RPSA2: variants seen among roughly 807,000 people sequenced by gnomAD.
RPSA2 encodes the protein ribosomal protein SA 2, also known as small ribosomal subunit protein uS2B.
At chr19:23,861,788 G>A in the RPSA2 span, among the ~76,000 whole-genome samples, 1 of 152,138 alleles carries the variant, frequency 6.6e-6, no homozygotes, top group Non-Finnish European at 1.5e-5. Flanking sequence ...TAGCTAGGCT[G>A]TAATTTATTT....
the RPSA2 span, among the ~76,000 whole-genome samples, chr19:23,814,971 A>G: frequency 6.6e-6 from 1 of 152,086 alleles, no homozygotes; most frequent in Non-Finnish European, 1.5e-5. Context: ...TCAGTGTCTC[A>G]TGTAGTTGGG....
chr19:23,868,884 G>A, the RPSA2 span, among the ~76,000 whole-genome samples: 3 of 152,126 alleles, frequency 2.0e-5, no homozygotes, highest in Non-Finnish European at 4.4e-5. Flanking sequence ...GAGCCTGAGT[G>A]CAAAAATGGA....
chr19:23,855,493 G>A, the RPSA2 span, among the ~76,000 whole-genome samples: 41 of 152,270 alleles, frequency 2.7e-4, 1 homozygote, highest in Middle Eastern at 3.4e-3. Flanking sequence ...GTTCCAGCAC[G>A]ACCAGATAAG....
chr19:23,817,038 C>T, the RPSA2 span, among the ~76,000 whole-genome samples: 1 of 144,996 alleles, frequency 6.9e-6, no homozygotes, highest in East Asian at 2.0e-4. Context: ...ATGACAACTT[C>T]AATTGAATAT....
the RPSA2 span, among the ~76,000 whole-genome samples, chr19:23,787,490 T>C: frequency 6.6e-6 from 1 of 151,104 alleles, no homozygotes; most frequent in Non-Finnish European, 1.5e-5. Flanking sequence ...GTGCCTGTAG[T>C]CCCAGCTACT....
the RPSA2 span, chr19:23,827,644 C>A: frequency 8.1e-6 from 13 of 1,595,588 alleles, no homozygotes; most frequent in Middle Eastern, 3.5e-4. Context: ...ACATTGCCAT[C>A]CCATGCAACA....
the RPSA2 span, among the ~76,000 whole-genome samples, chr19:23,767,401 A>G: frequency 1.3e-5 from 2 of 152,054 alleles, no homozygotes; most frequent in African/African-American, 2.4e-5. Flanking sequence ...TTTTATTTTT[A>G]GTAGACACAT....
chr19:23,777,062 GTGTGAT>G, the RPSA2 span, among the ~76,000 whole-genome samples: 2 of 151,940 alleles, frequency 1.3e-5, no homozygotes, highest in East Asian at 3.9e-4. Context: ...CTGCTTACAG[GTGTGAT>G]TGTGACACAT....
At chr19:23,784,897 TTCTG>T in the RPSA2 span, among the ~76,000 whole-genome samples, 68 of 152,198 alleles carry the variant, frequency 4.5e-4, no homozygotes, top group African/African-American at 1.6e-3. Context: ...CTTGCAAAAA[TTCTG>T]TCAGCTATTG....
At chr19:23,868,354 T>C in the RPSA2 span, among the ~76,000 whole-genome samples, 1 of 152,188 alleles carries the variant, frequency 6.6e-6, no homozygotes, top group South Asian at 2.1e-4. Flanking sequence ...CGTTTGCTCA[T>C]ATGGAGATTT....
chr19:23,854,758 A>G, the RPSA2 span, among the ~76,000 whole-genome samples: 4 of 152,224 alleles, frequency 2.6e-5, no homozygotes, highest in Non-Finnish European at 5.9e-5. Context: ...CTCCAAGAAA[A>G]GAATCAGTTG....
chr19:23,785,643 G>A, the RPSA2 span, among the ~76,000 whole-genome samples: 8 of 151,780 alleles, frequency 5.3e-5, no homozygotes, highest in Non-Finnish European at 1.2e-4. Context: ...TGACACTCCT[G>A]TCTGGTCCCT....
the RPSA2 span, among the ~76,000 whole-genome samples, chr19:23,843,885 G>A: frequency 3.0e-4 from 45 of 152,076 alleles, no homozygotes; most frequent in Non-Finnish European, 1.2e-4. Context: ...GCAGCCTTCT[G>A]AGTAGCTGGG....
chr19:23,805,981 T>C, the RPSA2 span, among the ~76,000 whole-genome samples: 1 of 151,782 alleles, frequency 6.6e-6, no homozygotes, highest in Non-Finnish European at 1.5e-5. Context: ...CATGGATAGG[T>C]GTGGATTATC....
At chr19:23,802,292 T>TATAG in the RPSA2 span, among the ~76,000 whole-genome samples, 5 of 152,196 alleles carry the variant, frequency 3.3e-5, no homozygotes, top group Admixed American at 1.3e-4. Context: ...TGAGCACAAC[T>TATAG]ATAGCTACCT....
At chr19:23,761,682 G>C in the RPSA2 span, among the ~76,000 whole-genome samples, 1 of 151,624 alleles carries the variant, frequency 6.6e-6, no homozygotes, top group East Asian at 2.0e-4. Flanking sequence ...CTACCTCCAG[G>C]GTCTAAACTA....
chr19:23,796,746 A>C, the RPSA2 span, among the ~76,000 whole-genome samples: 148,750 of 152,074 alleles, frequency 0.98, 72,843 homozygotes, highest in Middle Eastern at 1. Context: ...CAGAGGTATT[A>C]ATAGTAGACT....
chr19:23,788,768 G>A, the RPSA2 span, among the ~76,000 whole-genome samples: 1 of 152,128 alleles, frequency 6.6e-6, no homozygotes, highest in African/African-American at 2.4e-5. Flanking sequence ...GGGATGGGAA[G>A]CTCCTCCCTG....
the RPSA2 span, among the ~76,000 whole-genome samples, chr19:23,859,856 A>G: frequency 6.6e-6 from 1 of 152,188 alleles, no homozygotes; most frequent in African/African-American, 2.4e-5. Context: ...GAGTTTAAAT[A>G]CTAATTAGTA....
Sources: gnomAD v4.1 joint callset for allele counts (sites outside exome capture counted in the v4.1 genomes callset) on GRCh38, gnomAD v4.1.1 for gene constraint, MANE v1.5 for transcripts, NCBI Gene and HGNC (gene_info 2026-07-23, HGNC 2026-07-21) for gene names.